Variants in NAV3 observed in about 807,000 individuals in gnomAD.
NAV3 encodes pore membrane and/or filament interacting like protein 1.
In NAV3, 87 loss-of-function variants were observed where a neutral mutation model predicts 244.7. The ratio of observed to expected loss-of-function variants is 0.36; its 90% CI spans 0.30 to 0.42. The LOEUF is 0.42. NAV3 is among the 20% of genes least tolerant of loss of function. The pLI, the probability that NAV3 is intolerant of heterozygous loss-of-function variation, is 1.00. For synonymous variants in NAV3, 1,126 were observed against 1,042.2 expected (o/e 1.08, Z -1.55); for missense variants, 2,663 against 2,893.3 (o/e 0.92, Z 1.83).
At chr12:77,744,144 A>G (rs953932511) in intron 2 of NAV3, among the ~76,000 whole-genome samples, 2 of 152,008 alleles carry the variant, frequency 1.3e-5, no homozygotes, top group Non-Finnish European at 2.9e-5. Context: ...AAAGAAAGCT[A>G]TTTCCATACA....
chr12:77,874,065 A>G (rs1406975994), intron 1 of NAV3, among the ~76,000 whole-genome samples: 2 of 151,794 alleles, frequency 1.3e-5, no homozygotes, highest in Non-Finnish European at 2.9e-5. Flanking sequence ...TGCACTCTTT[A>G]TGAGAATTTA....
At chr12:77,931,300 G>A (rs1278644893) in intron 1 of NAV3, among the ~76,000 whole-genome samples, 1 of 152,042 alleles carries the variant, frequency 6.6e-6, no homozygotes, top group Admixed American at 6.6e-5. Flanking sequence ...ATATATGTGT[G>A]TGTATTTGTG....
chr12:77,979,699 G>GAAAAAA (rs982567243), intron 5 of NAV3, among the ~76,000 whole-genome samples: 3 of 79,354 alleles, frequency 3.8e-5, no homozygotes, highest in Admixed American at 1.4e-4. Flanking sequence ...GATGTGAAAC[G>GAAAAAA]AAAAAAAAAA....
At chr12:77,644,341 A>G (rs1872535718) in intron 2 of NAV3, among the ~76,000 whole-genome samples, 1 of 152,108 alleles carries the variant, frequency 6.6e-6, no homozygotes, top group Non-Finnish European at 1.5e-5. Context: ...AAATGAAACA[A>G]CAAGTCTTGG....
chr12:77,665,728 T>C (rs1187181250), intron 2 of NAV3, among the ~76,000 whole-genome samples: 2 of 152,178 alleles, frequency 1.3e-5, no homozygotes, highest in Admixed American at 1.3e-4. Context: ...CTAATTCCTA[T>C]TTATAGTTGA....
chr12:78,100,573 C>CA (rs1954488807), intron 12 of NAV3, among the ~76,000 whole-genome samples: 1 of 152,002 alleles, frequency 6.6e-6, no homozygotes, highest in Non-Finnish European at 1.5e-5. Context: ...TCCCTACTTG[C>CA]ACTCTACCTT....
intron 2 of NAV3, among the ~76,000 whole-genome samples, chr12:77,783,982 T>G (rs146304953): frequency 6.6e-6 from 1 of 152,144 alleles, no homozygotes; most frequent in East Asian, 1.9e-4. Context: ...GTAATGGGTT[T>G]CCATCATGAC....
intron 2 of NAV3, among the ~76,000 whole-genome samples, chr12:77,591,394 A>T (rs1356223876): frequency 6.6e-6 from 1 of 152,214 alleles, no homozygotes; most frequent in Non-Finnish European, 1.5e-5. Flanking sequence ...TTATAGTATG[A>T]GAAATATTTG....
Position 77,665,045 on chromosome 12 carries a change from T to C in NAV3, c.72+92779T>C, listed in dbSNP as rs79446283. 1.7e-3 allele frequency among the ~76,000 whole-genome samples: 261 copies of C among 152,344 alleles called. 3 individuals are homozygous for C. Among genetic ancestry groups the C allele is most frequent in the African/African-American group, 5.9e-3 (245 of 41,578 alleles). ...CCCTCGCCTGGCTAAAAATAAATAT[T>C]GATGAAAGTTATGTAAACAAGTTTG... On this transcript the variant is annotated intron_variant, in intron 2 of 8. Transcript: ENST00000550042.
Position 78,198,657 on chromosome 12 carries a change from G to C in NAV3, c.6499G>C (p.Glu2167Gln), listed in dbSNP as rs751776953. ...NQGVSSSPNLELHHNFRWVLC... is the reference protein window; with the variant it reads ...NQGVSSSPNLQLHHNFRWVLC... ...GGGAGTTTCTTCATCACCAAATCTAGAGCTGCATCACAATTTCAGGTAAAG... is the reference window on the plus strand; with the variant it reads ...GGGAGTTTCTTCATCACCAAATCTACAGCTGCATCACAATTTCAGGTAAAG... The change falls in exon 36 of 40, where the codon GAG becomes CAG. Residue 2167 changes from glutamate (E) to glutamine (Q), a missense_variant. Transcript: ENST00000397909. 12 of 1,485,296 alleles carry C rather than the reference G, an allele frequency of 8.1e-6. No individual in the cohort carries two copies. The Admixed American group carries it at 2.2e-4, about 27-fold the overall frequency. The allele number at this position is 1,485,296 out of a possible 1,614,324, so 92.0% of individuals were successfully genotyped here. A position where few individuals can be genotyped will look rare whatever the true frequency, so the allele number is the denominator to read the frequency against.
At chr12:78,195,247 T>A (rs1959152584) in intron 34 of NAV3, among the ~76,000 whole-genome samples, 1 of 151,968 alleles carries the variant, frequency 6.6e-6, no homozygotes, top group Non-Finnish European at 1.5e-5. Flanking sequence ...CCACCACCAG[T>A]AGCATGTACT....
chr12:78,002,706 AT>A (rs1873515257), intron 7 of NAV3, among the ~76,000 whole-genome samples: 1 of 152,236 alleles, frequency 6.6e-6, no homozygotes, highest in African/African-American at 2.4e-5. Context: ...CTAATTATGC[AT>A]TTTAATGCTT....
chr12:77,756,644 G>A (rs1191976044), intron 2 of NAV3, among the ~76,000 whole-genome samples: 1 of 152,060 alleles, frequency 6.6e-6, no homozygotes, highest in Non-Finnish European at 1.5e-5. Context: ...ACTTTCTTTT[G>A]AGATGGAATA....
chr12:78,082,170 C>T (rs2137844013), intron 12 of NAV3, among the ~76,000 whole-genome samples: 1 of 152,294 alleles, frequency 6.6e-6, no homozygotes, highest in East Asian at 1.9e-4. Flanking sequence ...CTCCTCCTTG[C>T]TTTCTTCCAT....
chr12:78,174,507 C>A (rs2139633315), intron 24 of NAV3, among the ~76,000 whole-genome samples: 2 of 151,956 alleles, frequency 1.3e-5, no homozygotes, highest in East Asian at 3.9e-4. Flanking sequence ...TAATTAAACT[C>A]ATTTCAGTAG....
intron 12 of NAV3, among the ~76,000 whole-genome samples, chr12:78,085,292 C>A (rs1306648663): frequency 6.6e-6 from 1 of 152,096 alleles, no homozygotes; most frequent in Non-Finnish European, 1.5e-5. Flanking sequence ...TTACTAGACT[C>A]AGACTGAAGA....
intron 2 of NAV3, among the ~76,000 whole-genome samples, chr12:77,612,864 C>T (rs142272237): frequency 1.5e-4 from 23 of 152,132 alleles, no homozygotes; most frequent in Non-Finnish European, 2.5e-4. Flanking sequence ...ATCATGGGGA[C>T]GGTTCCTCCA....
At chr12:77,667,592 C>T (rs541161223) in intron 2 of NAV3, among the ~76,000 whole-genome samples, 14 of 152,218 alleles carry the variant, frequency 9.2e-5, no homozygotes, top group African/African-American at 2.6e-4. Context: ...ACAGTAGTCA[C>T]ACGGCAAGCC....
chr12:77,894,424 T>A (rs1456050871), intron 1 of NAV3, among the ~76,000 whole-genome samples: 1 of 152,168 alleles, frequency 6.6e-6, no homozygotes, highest in African/African-American at 2.4e-5. Flanking sequence ...ATAATTTAGA[T>A]TTGCAAAATA....
Sources: allele counts gnomAD v4.1 joint callset (sites outside exome capture counted in the v4.1 genomes callset), GRCh38; gene constraint gnomAD v4.1.1; transcripts MANE v1.5; gene names NCBI Gene and HGNC (gene_info 2026-07-23, HGNC 2026-07-21).